PVALEF: variants seen among roughly 807,000 people sequenced by gnomAD.
PVALEF encodes the protein parvalbumin like EF-hand containing.
A neutral mutation model predicts 1.2 loss-of-function variants in PVALEF; 2 were observed. That is an observed-to-expected ratio of 1.68 (90% CI 0.69 to 5.28). PVALEF has a LOEUF of 5.28. Ranked by LOEUF, PVALEF falls within the 30% of genes most tolerant of loss-of-function variation. PVALEF has a pLI of 0.06. For missense variants in PVALEF, 35 were observed against 17.7 expected (o/e 1.97, Z -1.75); for synonymous variants, 16 against 6.5 (o/e 2.47, Z -2.24).
At chr17:81,181,048 C>A (rs1192203142) in intron 3 of PVALEF, 75 bp from the exon 4 acceptor site, 3 of 538,928 alleles carry the variant, frequency 5.6e-6, no homozygotes, top group Non-Finnish European at 6.6e-6. Context: ...ACCTGCCTGG[C>A]TGGGATCCCA....
chr17:81,166,577 G>C lies in PVALEF; in HGVS notation c.-507-100G>C, dbSNP rs1446903048. 26 of 394,488 alleles carry C rather than the reference G, an allele frequency of 6.6e-5. No homozygotes were observed. The East Asian group carries it at 2.0e-3, about 30-fold the overall frequency. 24.4% of individuals were successfully genotyped at this position (394,488 alleles called of 1,614,324 possible). Reference sequence around the variant, plus strand: ...GGAGGGAACGCCGGGGTGGGGGAGGGGGTACTCCTAGGTGGAAAGGTTCAG... The same window carrying C: ...GGAGGGAACGCCGGGGTGGGGGAGGCGGTACTCCTAGGTGGAAAGGTTCAG... On this transcript the variant is annotated intron_variant, in intron 1 of 6. Coordinates refer to ENST00000637878, the MANE Select transcript of PVALEF (RefSeq NM_001354639.2).
intron 1 of PVALEF, chr17:81,165,992 T>A (rs777969141): frequency 1.9e-6 from 3 of 1,572,806 alleles, no homozygotes; most frequent in Non-Finnish European, 2.6e-6. Context: ...GACGACGACA[T>A]GGCCGGGCCA....
chr17:81,181,358 GC>G (rs930622416), intron 4 of PVALEF, 26 bp downstream of exon 4: 7 of 629,690 alleles, frequency 1.1e-5, no homozygotes, highest in African/African-American at 9.0e-5. Context: ...GCCCGGCGCG[GC>G]CCCCCGCCCG....
chr17:81,173,412 G>C (rs928325316), intron 2 of PVALEF, among the ~76,000 whole-genome samples: 2 of 152,126 alleles, frequency 1.3e-5, no homozygotes, highest in East Asian at 3.8e-4. Flanking sequence ...ATGGACCCTC[G>C]CATTCTCCCC....
At chr17:81,177,240 CA>C (rs1163157496) in intron 2 of PVALEF, among the ~76,000 whole-genome samples, 2,284 of 73,944 alleles carry the variant, frequency 0.031, 22 homozygotes, top group East Asian at 0.16. Context: ...AACTCCATCT[CA>C]AAAAAAAAAA....
chr17:81,180,750 G>A (rs2061550899), intron 3 of PVALEF, among the ~76,000 whole-genome samples: 2 of 152,156 alleles, frequency 1.3e-5, no homozygotes, highest in South Asian at 2.1e-4. Flanking sequence ...GAGGAGAGCA[G>A]AGATGCCTCT....
At chr17:81,173,704 T>G (rs781760707) in intron 2 of PVALEF, among the ~76,000 whole-genome samples, 19 of 152,226 alleles carry the variant, frequency 1.2e-4, no homozygotes, top group Non-Finnish European at 2.4e-4. Context: ...CAGGACCTGA[T>G]AGTTTCACTG....
intron 2 of PVALEF, among the ~76,000 whole-genome samples, chr17:81,170,215 TG>T (rs1159875246): frequency 1.3e-5 from 2 of 151,160 alleles, no homozygotes; most frequent in African/African-American, 2.4e-5. Flanking sequence ...GTAGGTGTGT[TG>T]GTATGTGTGC....
intron 2 of PVALEF, among the ~76,000 whole-genome samples, chr17:81,178,459 C>T (rs2061542658): frequency 6.6e-6 from 1 of 152,224 alleles, no homozygotes; most frequent in Admixed American, 6.5e-5. Context: ...TTGGCCCTCC[C>T]TGCTCACCAC....
intron 3 of PVALEF, among the ~76,000 whole-genome samples, chr17:81,179,998 C>T (rs555320578): frequency 7.9e-5 from 12 of 152,202 alleles, no homozygotes; most frequent in East Asian, 3.9e-4. Flanking sequence ...CAGCCTCCCC[C>T]GGCCGGACAT....
intron 2 of PVALEF, among the ~76,000 whole-genome samples, chr17:81,167,277 C>G (rs888558823): frequency 8.3e-6 from 1 of 120,792 alleles, no homozygotes; most frequent in Non-Finnish European, 1.9e-5. Context: ...CGGGTGACAA[C>G]AAGATCTTGT....
At chr17:81,182,294 G>A (rs150308088) in intron 6 of PVALEF, among the ~76,000 whole-genome samples, 1 of 152,238 alleles carries the variant, frequency 6.6e-6, no homozygotes. Flanking sequence ...AAGGCCAACT[G>A]TGGCAGAGCC....
At chr17:81,166,426 G>A (rs1185701563) in intron 1 of PVALEF, among the ~76,000 whole-genome samples, 49 of 105,086 alleles carry the variant, frequency 4.7e-4, no homozygotes, top group African/African-American at 1.7e-3. Context: ...TGCACGGAGC[G>A]GGGATGGCAC....
chr17:81,174,299 A>G (rs1410425429), intron 2 of PVALEF, among the ~76,000 whole-genome samples: 1 of 152,204 alleles, frequency 6.6e-6, no homozygotes, highest in Non-Finnish European at 1.5e-5. Flanking sequence ...GGACCAATTA[A>G]GCAAGAAAAA....
At position 81,166,752 on chromosome 17, in the gene PVALEF, C is replaced by T. The variant is rs1478931601; in HGVS notation, c.-432C>T. Reference sequence around the variant, plus strand: ...ACCTGTGCTGGTGGAGTGGGGGTGGCTGGCTTTGCACACAGGCCTGCTCCT... The same window carrying T: ...ACCTGTGCTGGTGGAGTGGGGGTGGTTGGCTTTGCACACAGGCCTGCTCCT... On this transcript the variant is annotated 5_prime_UTR_variant, in exon 2 of 7. Transcript: ENST00000637878. 1 of 456,386 alleles carries T rather than the reference C, an allele frequency of 2.2e-6. No individual in the cohort carries two copies. The highest frequency in any genetic ancestry group is 2.0e-5 in the African/African-American group (1 of 50,040). 28.3% of individuals were successfully genotyped at this position (456,386 alleles called of 1,614,324 possible).
chr17:81,177,240 CAAAAAAAAAAA>C (rs1163157496), intron 2 of PVALEF, among the ~76,000 whole-genome samples: 1 of 74,016 alleles, frequency 1.4e-5, no homozygotes, highest in Non-Finnish European at 2.4e-5. Context: ...AACTCCATCT[CAAAAAAAAAAA>C]AAAAAAAAAA....
intron 2 of PVALEF, among the ~76,000 whole-genome samples, 192 bp from the exon 3 acceptor site, chr17:81,178,726 C>T (rs1008648851): frequency 3.3e-5 from 5 of 152,216 alleles, no homozygotes; most frequent in Non-Finnish European, 5.9e-5. Context: ...CCACCCCCAC[C>T]GCCCGCAGCC....
chr17:81,174,611 CAG>C (rs1204418966), intron 2 of PVALEF, among the ~76,000 whole-genome samples: 1 of 150,004 alleles, frequency 6.7e-6, no homozygotes, highest in Admixed American at 6.7e-5. Context: ...GCCTGCACAA[CAG>C]AGCAAGACTC....
chr17:81,166,735 T>C lies in PVALEF; in HGVS notation c.-449T>C, dbSNP rs1041723247. The C allele has an allele frequency of 2.0e-5, 9 of 455,980 alleles. No homozygotes were observed. Among genetic ancestry groups the C allele is most frequent in the Non-Finnish European group, 3.5e-5 (8 of 226,808 alleles). The allele number at this position is 455,980 out of a possible 1,614,324, so 28.2% of individuals were successfully genotyped here. ...CATGCCCTTTGGGTGGCACCTGTGC[T>C]GGTGGAGTGGGGGTGGCTGGCTTTG... is the stretch of plus-strand genomic sequence containing the variant. On this transcript the variant is annotated 5_prime_UTR_variant, in exon 2 of 7. Transcript: ENST00000637878.
Sources: allele counts gnomAD v4.1 joint callset (sites outside exome capture counted in the v4.1 genomes callset), GRCh38; gene constraint gnomAD v4.1.1; transcripts MANE v1.5; gene names NCBI Gene and HGNC (gene_info 2026-07-23, HGNC 2026-07-21).